PTPRN2: variants seen among roughly 807,000 people sequenced by gnomAD.
PTPRN2 encodes protein tyrosine phosphatase receptor type N2.
In PTPRN2, 74 loss-of-function variants were observed where a neutral mutation model predicts 118.8. That is an observed-to-expected ratio of 0.62 (90% CI 0.52 to 0.76). The LOEUF (loss-of-function observed/expected upper bound fraction) is 0.76, where lower values mean the gene tolerates loss of function less well. Among genes scored for constraint, PTPRN2 ranks in the 30% least tolerant of loss-of-function variants. The probability of loss-of-function intolerance (pLI) is 0.00; values close to 1 mark genes in which losing one functional copy is unlikely to be tolerated. For synonymous variants in PTPRN2, 641 were observed against 608.0 expected (o/e 1.05, Z -0.80); for missense variants, 1,481 against 1,394.4 (o/e 1.06, Z -0.99).
intron 12 of PTPRN2, among the ~76,000 whole-genome samples, chr7:157,835,279 C>T (rs1481532957): frequency 3.3e-5 from 5 of 152,060 alleles, no homozygotes; most frequent in East Asian, 3.9e-4. Flanking sequence ...CACAACACAA[C>T]GGGAAAAACA....
At chr7:158,430,608 G>A (rs1049730051) in intron 2 of PTPRN2, among the ~76,000 whole-genome samples, 3 of 152,222 alleles carry the variant, frequency 2.0e-5, no homozygotes, top group Admixed American at 6.5e-5. Context: ...ATTTGGTGGT[G>A]TCTCCACCAC....
chr7:158,389,926 A>C (rs908140380), intron 2 of PTPRN2, among the ~76,000 whole-genome samples: 1 of 152,228 alleles, frequency 6.6e-6, no homozygotes, highest in African/African-American at 2.4e-5. Flanking sequence ...ACGCGTGGTG[A>C]GGCAGCCCCA....
Position 157,556,576 on chromosome 7 carries a change from TAC to T in PTPRN2, c.2903-7559_2903-7558del, listed in dbSNP as rs530361162. 8.6e-3 allele frequency among the ~76,000 whole-genome samples: 1,230 copies of T among 142,668 alleles called. 17 individuals are homozygous for T. The Middle Eastern group carries it at 0.092, about 11-fold the overall frequency. The allele number at this position is 142,668 out of a possible 152,430, so 93.6% of individuals were successfully genotyped here. On this transcript the variant is annotated intron_variant, in intron 21 of 22. Coordinates refer to ENST00000389418, the MANE Select transcript of PTPRN2 (RefSeq NM_002847.5). ...TCATACATATGTACATGCACACACATACACATTCATGCACACATCCAAACACA... is the reference window on the plus strand; with the variant it reads ...TCATACATATGTACATGCACACACATACATTCATGCACACATCCAAACACA...
intron 6 of PTPRN2, among the ~76,000 whole-genome samples, chr7:158,144,558 G>C (rs1819708484): frequency 6.6e-6 from 1 of 152,180 alleles, no homozygotes; most frequent in African/African-American, 2.4e-5. Context: ...AGAATTGCTT[G>C]AACCTTGGGG....
rs775465369 is a variant in PTPRN2 at position 157,780,752 on chromosome 7, G to T, written c.1789-97815C>A. On this transcript the variant is annotated intron_variant, in intron 12 of 22. Transcript: ENST00000389418. This position sits in a 1 kb window ranked among gnomAD's most constrained non-coding sequence, Gnocchi z 4.5. The stretch of plus-strand genomic sequence containing the variant: ...CAGCACGGAGAGAGCACTTGACACT[G>T]TTGCTTGCATGTGCCCCCGGGCCAA... 6.6e-6 allele frequency among the ~76,000 whole-genome samples: 1 copy of T among 152,204 alleles called. No individual in the cohort carries two copies. Among genetic ancestry groups the T allele is most frequent in the African/African-American group, 2.4e-5 (1 of 41,434 alleles).
chr7:157,750,713 A>G (rs1374885528), intron 12 of PTPRN2, among the ~76,000 whole-genome samples: 1 of 152,254 alleles, frequency 6.6e-6, no homozygotes, highest in African/African-American at 2.4e-5. Flanking sequence ...CTCCGGCTCC[A>G]GTGTCGAGTA....
chr7:157,918,454 C>T (rs1176767476), intron 11 of PTPRN2, among the ~76,000 whole-genome samples: 1 of 152,174 alleles, frequency 6.6e-6, no homozygotes, highest in Non-Finnish European at 1.5e-5. Context: ...GTGTGATTAA[C>T]GAGAAACACA....
chr7:158,319,381 C>T (rs952978286), intron 2 of PTPRN2, among the ~76,000 whole-genome samples: 2 of 141,322 alleles, frequency 1.4e-5, no homozygotes, highest in African/African-American at 5.2e-5. Context: ...CACACATGCA[C>T]ACACACACAC....
rs187804390 is a variant in PTPRN2, at chr7:158,173,860, G to A, written c.550-6569C>T. 3.3e-3 allele frequency among the ~76,000 whole-genome samples: 498 copies of A among 152,322 alleles called. 1 individual carries two copies. The highest frequency in any genetic ancestry group is 0.011 in the African/African-American group (460 of 41,568). ...ATAAGGCTCTATTCTGCCCGACCCC[G>A]CAGGCAGTCAGACCTTAATGTTATC... On this transcript the variant is annotated intron_variant, in intron 5 of 22. Coordinates refer to ENST00000389418, the MANE Select transcript of PTPRN2 (RefSeq NM_002847.5).
At chr7:158,415,107 C>A (rs867354861) in intron 2 of PTPRN2, among the ~76,000 whole-genome samples, 3 of 91,032 alleles carry the variant, frequency 3.3e-5, no homozygotes, top group African/African-American at 8.0e-5. Flanking sequence ...GATGATACAA[C>A]CAGCTACTTC....
chr7:158,332,732 CACCAT>C (rs1328489019), intron 2 of PTPRN2, among the ~76,000 whole-genome samples: 1 of 151,444 alleles, frequency 6.6e-6, no homozygotes, highest in Non-Finnish European at 1.5e-5. Context: ...CCCACACTCT[CACCAT>C]AAGAGCTGAG....
intron 4 of PTPRN2, among the ~76,000 whole-genome samples, chr7:158,194,913 G>C (rs2150715124): frequency 6.6e-6 from 1 of 152,346 alleles, no homozygotes; most frequent in East Asian, 1.9e-4. Flanking sequence ...CTCTGATGCG[G>C]TGTTGACATG....
chr7:158,319,640 CA>C (rs1802727563), intron 2 of PTPRN2, among the ~76,000 whole-genome samples: 1 of 101,624 alleles, frequency 9.8e-6, no homozygotes, highest in Non-Finnish European at 2.0e-5. Context: ...CACACACACA[CA>C]GCCTCCCTCA....
chr7:158,481,618 C>G (rs1289671236), intron 2 of PTPRN2, among the ~76,000 whole-genome samples: 2 of 152,152 alleles, frequency 1.3e-5, no homozygotes, highest in Non-Finnish European at 2.9e-5. Flanking sequence ...CACATGCCAC[C>G]ATGCCCGGCT....
intron 2 of PTPRN2, among the ~76,000 whole-genome samples, chr7:158,341,639 T>C (rs1310119048): frequency 0.014 from 641 of 44,442 alleles, 38 homozygotes; most frequent in Non-Finnish European, 0.019. Context: ...AGGTAACACA[T>C]GCAGACGTCA....
At chr7:158,492,155 A>G (rs989441338) in intron 1 of PTPRN2, among the ~76,000 whole-genome samples, 4 of 152,208 alleles carry the variant, frequency 2.6e-5, no homozygotes, top group African/African-American at 9.6e-5. Flanking sequence ...AGCTGGGAGC[A>G]GTAAGGATGT....
intron 6 of PTPRN2, among the ~76,000 whole-genome samples, chr7:158,155,763 T>TCAA (rs1563530064): frequency 4.1e-5 from 5 of 120,774 alleles, no homozygotes; most frequent in East Asian, 5.6e-4. Context: ...ACCATCATCA[T>TCAA]CACCATCAAC....
chr7:158,359,471 T>A (rs1481099306), intron 2 of PTPRN2, among the ~76,000 whole-genome samples: 1 of 152,128 alleles, frequency 6.6e-6, no homozygotes, highest in Non-Finnish European at 1.5e-5. Context: ...GCTGGAGCCA[T>A]AAAAGGACTG....
At chr7:158,282,843 GGC>G (rs1210857707) in intron 3 of PTPRN2, among the ~76,000 whole-genome samples, 2 of 151,336 alleles carry the variant, frequency 1.3e-5, no homozygotes, top group Non-Finnish European at 2.9e-5. Context: ...GGACACAGAT[GGC>G]TTGTCCCTCC....
Sources: allele counts gnomAD v4.1 joint callset (sites outside exome capture counted in the v4.1 genomes callset), GRCh38; gene constraint gnomAD v4.1.1; non-coding constraint Gnocchi (gnomAD v3.1); transcripts MANE v1.5; gene names NCBI Gene and HGNC (gene_info 2026-07-23, HGNC 2026-07-21).